Variants in SVOPL observed in about 807,000 individuals in gnomAD.
SVOPL encodes the protein putative transporter SVOPL.
A neutral mutation model predicts 61.0 loss-of-function variants in SVOPL; 60 were observed. That is an observed-to-expected ratio of 0.98 (90% CI 0.80 to 1.22). The LOEUF (loss-of-function observed/expected upper bound fraction) is 1.22, where lower values mean the gene tolerates loss of function less well. Ranked by LOEUF, SVOPL falls within the 50% of genes most tolerant of loss-of-function variation. The pLI is 0.00. For missense variants in SVOPL, 662 were observed against 643.9 expected (o/e 1.03, Z -0.30); for synonymous variants, 279 against 250.0 (o/e 1.12, Z -1.09).
chr7:138,623,906 G>GC (rs1292730531), intron 13 of SVOPL, among the ~76,000 whole-genome samples: 9 of 151,734 alleles, frequency 5.9e-5, no homozygotes, highest in Non-Finnish European at 4.4e-5. Flanking sequence ...CGCAACCTTT[G>GC]CCCCCCAGGT....
chr7:138,606,654 G>C (rs1206437501), intron 14 of SVOPL, among the ~76,000 whole-genome samples: 1 of 152,124 alleles, frequency 6.6e-6, no homozygotes, highest in African/African-American at 2.4e-5. Flanking sequence ...CTGTTCCTCT[G>C]TTTAAAAGAA....
chr7:138,665,689 C>T (rs1336675615), intron 4 of SVOPL, among the ~76,000 whole-genome samples: 1 of 152,146 alleles, frequency 6.6e-6, no homozygotes, highest in South Asian at 2.1e-4. Context: ...CCTGGATCTC[C>T]AGCATTCTCA....
At chr7:138,689,564 G>GA (rs113396709) in intron 1 of SVOPL, 10,303 of 310,748 alleles carry the variant, frequency 0.033, 1 homozygote, top group South Asian at 0.061. Flanking sequence ...AGTAAAAAAA[G>GA]AAAAAAAAAA....
chr7:138,681,317 A>G, intron 1 of SVOPL, among the ~76,000 whole-genome samples: 1 of 148,446 alleles, frequency 6.7e-6, no homozygotes, highest in Non-Finnish European at 1.5e-5. Context: ...CGAGATTATT[A>G]TATAACATAT....
intron 1 of SVOPL, chr7:138,689,522 G>T: frequency 1.6e-5 from 9 of 562,654 alleles, no homozygotes; most frequent in Non-Finnish European, 2.2e-5. Flanking sequence ...TGACACGAGA[G>T]TAAATTCAGC....
intron 1 of SVOPL, among the ~76,000 whole-genome samples, chr7:138,693,529 A>AAGAAAGAAAGAAAG (rs1554477033): frequency 8.5e-6 from 1 of 117,086 alleles, no homozygotes; most frequent in Admixed American, 1.1e-4. Flanking sequence ...AAAAGAAAGA[A>AAGAAAGAAAGAAAG]AAAGAAAGAA....
At chr7:138,596,582 A>G in intron 14 of SVOPL, 52 bp from the exon 15 acceptor site, 1 of 1,588,792 alleles carries the variant, frequency 6.3e-7, no homozygotes, top group Non-Finnish European at 8.6e-7. Context: ...TTACCTCTAA[A>G]CTGTTCTTTA....
At chr7:138,668,115 C>A (rs567195560) in intron 4 of SVOPL, among the ~76,000 whole-genome samples, 10 of 152,164 alleles carry the variant, frequency 6.6e-5, no homozygotes, top group Non-Finnish European at 1.2e-4. Flanking sequence ...GACCAATAAA[C>A]TGGTTCATCT....
chr7:138,641,716 C>CCT (rs1800792764), intron 9 of SVOPL, among the ~76,000 whole-genome samples: 2 of 147,234 alleles, frequency 1.4e-5, no homozygotes, highest in South Asian at 4.3e-4. Context: ...TGAAATATAC[C>CCT]CTATTAGGCC....
At position 138,641,814 on chromosome 7, in the gene SVOPL, T is replaced by TATATA. The variant is rs1554464905; in HGVS notation, c.789+2902_789+2903insTATAT. On this transcript the variant is annotated intron_variant, in intron 9 of 15. Coordinates refer to ENST00000674285, the MANE Select transcript of SVOPL (RefSeq NM_001139456.2). ...TCTAGACGTATCAAATATATATATG[T>TATATA]TATATATATATATATATATAACATA... Among the ~76,000 whole-genome samples, 160 of 120,974 alleles carry TATATA rather than the reference T, an allele frequency of 1.3e-3. 1 individual carries two copies. Among genetic ancestry groups the TATATA allele is most frequent in the African/African-American group, 4.7e-3 (155 of 32,922 alleles). 79.4% of individuals were successfully genotyped at this position (120,974 alleles called of 152,430 possible).
At chr7:138,611,099 G>A (rs1360834957) in intron 14 of SVOPL, among the ~76,000 whole-genome samples, 6 of 152,106 alleles carry the variant, frequency 3.9e-5, no homozygotes, top group Admixed American at 1.3e-4. Flanking sequence ...AACCTTGGCC[G>A]GGCACAGTGG....
At position 138,652,197 on chromosome 7, in the gene SVOPL, G is replaced by A. The variant is rs144674601; in HGVS notation, c.535-3060C>T. On this transcript the variant is annotated intron_variant, in intron 7 of 15. Coordinates refer to ENST00000674285, the MANE Select transcript of SVOPL (RefSeq NM_001139456.2). The stretch of plus-strand genomic sequence containing the variant: ...CTCCTGAGCAGCTGGGATTACAGGT[G>A]CCTGGCACCACACCAAGCTAATTTT... Among the ~76,000 whole-genome samples the A allele has an allele frequency of 9.3e-4, 142 of 152,170 alleles. No homozygotes were observed. In the East Asian group the frequency reaches 0.013, roughly 13 times the overall value.
chr7:138,696,511 C>T (rs1803068799), intron 1 of SVOPL, among the ~76,000 whole-genome samples: 1 of 152,140 alleles, frequency 6.6e-6, no homozygotes, highest in African/African-American at 2.4e-5. Flanking sequence ...CAACCTCTGC[C>T]TCCTGAGTTC....
intron 1 of SVOPL, among the ~76,000 whole-genome samples, chr7:138,681,846 T>G (rs1802707900): frequency 6.6e-6 from 1 of 151,980 alleles, no homozygotes. Context: ...AAATTAAAAT[T>G]GAAAAGGCTC....
In SVOPL at chr7:138,620,509, C is replaced by A. The variant is rs370045409; in HGVS notation, c.1353+537G>T. Among the ~76,000 whole-genome samples, 46 of 150,690 alleles carry A rather than the reference C, an allele frequency of 3.1e-4. No homozygotes were observed. The Middle Eastern group carries it at 0.014, about 46-fold the overall frequency. On this transcript the variant is annotated intron_variant, in intron 14 of 15. Coordinates refer to ENST00000674285, the MANE Select transcript of SVOPL (RefSeq NM_001139456.2). ...CAAGCTCCATAGCCCTCTGAGGAAC[C>A]ACGACCCCCAGGGTCGCCATACCTG...
At chr7:138,655,758 T>C (rs1404518255) in intron 7 of SVOPL, among the ~76,000 whole-genome samples, 2 of 151,344 alleles carry the variant, frequency 1.3e-5, no homozygotes, top group East Asian at 1.9e-4. Context: ...TACTGTAATA[T>C]ATATTACAGG....
chr7:138,612,405 TAAAAAAAAAAAAAA>T (rs1158818070), intron 14 of SVOPL, among the ~76,000 whole-genome samples: 1 of 9,332 alleles, frequency 1.1e-4, no homozygotes, highest in Non-Finnish European at 2.0e-4. Flanking sequence ...AAAAATAAAT[TAAAAAAAAAAAAAA>T]AAAATAAAAT....
intron 14 of SVOPL, among the ~76,000 whole-genome samples, chr7:138,613,787 A>G (rs1218079607): frequency 2.6e-5 from 4 of 152,182 alleles, no homozygotes; most frequent in African/African-American, 9.7e-5. Flanking sequence ...TGTGCTGTCA[A>G]ATGTTCAACA....
chr7:138,700,063 G>C (rs182389902), intron 1 of SVOPL, among the ~76,000 whole-genome samples: 1 of 152,110 alleles, frequency 6.6e-6, no homozygotes, highest in Non-Finnish European at 1.5e-5. Flanking sequence ...GGATTGTAGC[G>C]TTCACATCTG....
Sources: allele counts gnomAD v4.1 joint callset (sites outside exome capture counted in the v4.1 genomes callset), GRCh38; gene constraint gnomAD v4.1.1; transcripts MANE v1.5; gene names NCBI Gene and HGNC (gene_info 2026-07-23, HGNC 2026-07-21).